MEGF9: variants seen among roughly 807,000 people sequenced by gnomAD.
MEGF9 encodes multiple epidermal growth factor-like domains protein 9.
Under a neutral mutation model 46.8 loss-of-function variants are expected in MEGF9, and 6 were observed. That is an observed-to-expected ratio of 0.13 (90% confidence interval 0.07 to 0.25). The LOEUF is 0.25. Among genes scored for constraint, MEGF9 ranks in the 10% least tolerant of loss-of-function variants. MEGF9 has a pLI of 1.00. For missense variants in MEGF9, 683 were observed against 792.4 expected, an observed-to-expected ratio of 0.86 and a Z score of 1.66; for synonymous variants, 302 against 330.7, an observed-to-expected ratio of 0.91 and a Z score of 0.94.
chr9:120,680,041 TA>T (rs1175273581), intron 1 of MEGF9, among the ~76,000 whole-genome samples: 1 of 152,256 alleles, frequency 6.6e-6, no homozygotes, highest in East Asian at 1.9e-4. Context: ...CAATTTCTGT[TA>T]AACGTCTCTA....
chr9:120,650,831 T>TC lies in MEGF9; in HGVS notation c.803+8542dup, dbSNP rs1291715495. Among the ~76,000 whole-genome samples, 3 of 152,182 alleles carry TC rather than the reference T, an allele frequency of 2.0e-5. No individual in the cohort carries two copies. In the East Asian group the frequency reaches 5.8e-4, roughly 29 times the overall value. The stretch of plus-strand genomic sequence containing the variant: ...ACTGGAATTTTCATGTTTTTTTTTT[T>TC]CTCCTGATAGGTCTTCTCATCTCTC... On this transcript the variant is annotated intron_variant, in intron 2 of 5. Transcript: ENST00000373930.
chr9:120,610,487 A>G (rs1368147651), intron 4 of MEGF9, among the ~76,000 whole-genome samples: 1 of 152,158 alleles, frequency 6.6e-6, no homozygotes, highest in African/African-American at 2.4e-5. Context: ...TGATCAAATA[A>G]GCTGTTTTAA....
At chr9:120,713,087 TG>T (rs1279222163) in intron 1 of MEGF9, among the ~76,000 whole-genome samples, 1 of 152,182 alleles carries the variant, frequency 6.6e-6, no homozygotes, top group African/African-American at 2.4e-5. Flanking sequence ...AAAAAAATGG[TG>T]CGAGGAAGAG....
chr9:120,609,905 C>T (rs925910905), intron 4 of MEGF9, among the ~76,000 whole-genome samples: 13 of 152,102 alleles, frequency 8.5e-5, no homozygotes, highest in African/African-American at 2.7e-4. Flanking sequence ...TTCACTTTTA[C>T]TTTTTAAAAT....
intron 2 of MEGF9, among the ~76,000 whole-genome samples, chr9:120,625,396 A>T (rs1296444492): frequency 6.6e-6 from 1 of 152,110 alleles, no homozygotes; most frequent in Non-Finnish European, 1.5e-5. Flanking sequence ...GAAACCAGGG[A>T]GCCAGAAGTG....
chr9:120,656,311 G>A (rs930078867), intron 2 of MEGF9, among the ~76,000 whole-genome samples: 2 of 152,102 alleles, frequency 1.3e-5, no homozygotes, highest in Non-Finnish European at 2.9e-5. Flanking sequence ...ACTTTGGGAG[G>A]CTAAGGCAGG....
chr9:120,639,447 G>A (rs915915342), intron 2 of MEGF9, among the ~76,000 whole-genome samples: 1 of 148,102 alleles, frequency 6.8e-6, no homozygotes, highest in African/African-American at 2.5e-5. Flanking sequence ...GGCAGAGGTT[G>A]CAATGAGCCG....
intron 3 of MEGF9, among the ~76,000 whole-genome samples, chr9:120,622,134 T>G (rs530864589): frequency 2.0e-4 from 30 of 152,328 alleles, no homozygotes; most frequent in African/African-American, 7.2e-4. Context: ...CTTCCATCTT[T>G]TGCATAGTCG....
chr9:120,645,805 C>T (rs549460334), intron 2 of MEGF9, among the ~76,000 whole-genome samples: 23 of 152,228 alleles, frequency 1.5e-4, no homozygotes, highest in African/African-American at 5.1e-4. Context: ...AGGTAAAGGG[C>T]CTTTGGATTT....
At chr9:120,636,844 C>T (rs1053014359) in intron 2 of MEGF9, among the ~76,000 whole-genome samples, 27 of 126,000 alleles carry the variant, frequency 2.1e-4, no homozygotes, top group Middle Eastern at 4.1e-3. Flanking sequence ...GCAGCCGCCC[C>T]GTCTGGGGGG....
intron 2 of MEGF9, among the ~76,000 whole-genome samples, chr9:120,647,042 G>C (rs1157514735): frequency 1.3e-5 from 2 of 152,046 alleles, no homozygotes; most frequent in East Asian, 1.9e-4. Flanking sequence ...AAGTAGAGGA[G>C]TCTGCAACAT....
At position 120,709,086 on chromosome 9, in the gene MEGF9, A is replaced by C. The variant is rs534795646; in HGVS notation, c.601+4672T>G. On this transcript the variant is annotated intron_variant, in intron 1 of 5. Coordinates refer to ENST00000373930, the MANE Select transcript of MEGF9 (RefSeq NM_001080497.3). Reference sequence around the variant, plus strand: ...CTGGTTAGAGCACATCTGGAGTATTATGTTCAGCTCTGTTTCACATTTTGG... The same window carrying C: ...CTGGTTAGAGCACATCTGGAGTATTCTGTTCAGCTCTGTTTCACATTTTGG... Among the ~76,000 whole-genome samples, 16 of 152,272 alleles carry C rather than the reference A, an allele frequency of 1.1e-4. No homozygotes were observed. In the South Asian group the frequency reaches 3.3e-3, roughly 32 times the overall value.
intron 1 of MEGF9, among the ~76,000 whole-genome samples, chr9:120,676,988 C>T (rs544705987): frequency 2.0e-5 from 3 of 152,200 alleles, no homozygotes; most frequent in Non-Finnish European, 4.4e-5. Flanking sequence ...TATCTTACGT[C>T]AATACCCTTC....
rs2043416053 is a variant in MEGF9, at chr9:120,605,385, G to A, written c.1614C>T (p.Tyr538=). ...TGAGTTTCCGGTTTTGGTACTCGCG[G>A]TACATATATACAGCCCCCACAAATC... is the stretch of plus-strand genomic sequence containing the variant. The part of the protein sequence containing the change: ...LMGFVGAVYM[Y]REYQNRKLNA... The change falls in exon 6 of 6, where the codon TAC becomes TAT. Residue 538 remains tyrosine, a synonymous_variant. Transcript: ENST00000373930. This position sits in a 1 kb window ranked among gnomAD's most constrained non-coding sequence, Gnocchi z 4.0. The A allele has an allele frequency of 6.2e-7, 1 of 1,613,974 alleles. No individual in the cohort carries two copies. Among genetic ancestry groups the A allele is most frequent in the Non-Finnish European group, 8.5e-7 (1 of 1,179,890 alleles).
At chr9:120,686,819 C>G (rs1440255464) in intron 1 of MEGF9, among the ~76,000 whole-genome samples, 1 of 152,238 alleles carries the variant, frequency 6.6e-6, no homozygotes, top group Non-Finnish European at 1.5e-5. Context: ...ACTTGGCACA[C>G]AGTCTTCCTT....
At chr9:120,695,119 T>C (rs1296956272) in intron 1 of MEGF9, among the ~76,000 whole-genome samples, 2 of 151,478 alleles carry the variant, frequency 1.3e-5, no homozygotes, top group East Asian at 3.9e-4. Flanking sequence ...GTGCTGGTGG[T>C]GAATAGGGAC....
chr9:120,645,329 C>T (rs2043620924), intron 2 of MEGF9, among the ~76,000 whole-genome samples: 1 of 152,136 alleles, frequency 6.6e-6, no homozygotes, highest in South Asian at 2.1e-4. Flanking sequence ...TTAGAGCATC[C>T]TTGAAAGAAT....
At chr9:120,676,789 T>C (rs2043775072) in intron 1 of MEGF9, among the ~76,000 whole-genome samples, 1 of 152,240 alleles carries the variant, frequency 6.6e-6, no homozygotes, top group Admixed American at 6.5e-5. Context: ...TACTATGATC[T>C]ACTAACTATG....
Position 120,659,387 on chromosome 9 carries a change from T to G in MEGF9, c.790A>C (p.Ile264Leu), listed in dbSNP as rs2043691616. Residue 264 changes from isoleucine to leucine, a missense_variant, in exon 2 of 6, where the codon ATA becomes CTA. By Grantham distance (5) the Ile-to-Leu change is conservative. Coordinates refer to ENST00000373930, the MANE Select transcript of MEGF9 (RefSeq NM_001080497.3). ...CDCSPHGALS[I>L]PCNSSGKCQC... ...TCTGTTGCTTACCTGTTGCACGGTA[T>G]GCTGAGAGCTCCATGTGGACTACAG... 1 of 1,613,744 alleles carries G rather than the reference T, an allele frequency of 6.2e-7. No homozygotes were observed. The highest frequency in any genetic ancestry group is 8.5e-7 in the Non-Finnish European group (1 of 1,179,832).
Sources: allele counts gnomAD v4.1 joint callset (sites outside exome capture counted in the v4.1 genomes callset), GRCh38; gene constraint gnomAD v4.1.1; non-coding constraint Gnocchi (gnomAD v3.1); transcripts MANE v1.5; gene names NCBI Gene and HGNC (gene_info 2026-07-23, HGNC 2026-07-21).